Variants in AUH observed in about 807,000 individuals in gnomAD.
The protein encoded by AUH is methylglutaconyl-CoA hydratase, mitochondrial.
AUH carries 29 observed loss-of-function variants against 42.3 expected under a neutral mutation model. That is an observed-to-expected ratio of 0.69 (90% confidence interval 0.51 to 0.93). The LOEUF (loss-of-function observed/expected upper bound fraction) is 0.93. AUH is among the 40% of genes least tolerant of loss of function. The pLI, the probability that AUH is intolerant of heterozygous loss-of-function variation, is 0.00. For synonymous variants in AUH, 174 were observed against 166.4 expected (o/e 1.05, Z -0.35); for missense variants, 452 against 438.1 (o/e 1.03, Z -0.28).
intron 6 of AUH, among the ~76,000 whole-genome samples, chr9:91,276,785 T>C (rs1012576432): frequency 2.0e-5 from 3 of 152,138 alleles, no homozygotes; most frequent in Admixed American, 6.5e-5. Flanking sequence ...GAACAATAGC[T>C]TATAGAACAT....
chr9:91,328,442 G>C (rs553713204), intron 3 of AUH, among the ~76,000 whole-genome samples: 1 of 152,192 alleles, frequency 6.6e-6, no homozygotes, highest in African/African-American at 2.4e-5. Context: ...GCCAGAGAAG[G>C]GAAACTATGG....
chr9:91,350,064 C>T (rs1831844808), intron 3 of AUH, among the ~76,000 whole-genome samples: 1 of 152,180 alleles, frequency 6.6e-6, no homozygotes, highest in African/African-American at 2.4e-5. Context: ...GTATAGCACA[C>T]CATGTGAAAA....
At chr9:91,228,210 G>A (rs1296903162) in intron 6 of AUH, among the ~76,000 whole-genome samples, 1 of 152,258 alleles carries the variant, frequency 6.6e-6, no homozygotes, top group East Asian at 1.9e-4. Context: ...GTAAGCTATT[G>A]ATTATTGCCA....
At chr9:91,277,414 A>G (rs1395636090) in intron 6 of AUH, among the ~76,000 whole-genome samples, 1 of 152,212 alleles carries the variant, frequency 6.6e-6, no homozygotes, top group African/African-American at 2.4e-5. Flanking sequence ...GTTCCTTAAC[A>G]TGATTAAGGA....
At chr9:91,301,022 G>GT (rs1302020723) in intron 4 of AUH, among the ~76,000 whole-genome samples, 5 of 152,152 alleles carry the variant, frequency 3.3e-5, no homozygotes, top group African/African-American at 9.7e-5. Context: ...AAACCTCACG[G>GT]TTTTTCACTG....
intron 7 of AUH, chr9:91,218,788 TTTCAG>T: frequency 1.5e-5 from 15 of 985,086 alleles, no homozygotes; most frequent in Non-Finnish European, 1.8e-5. Flanking sequence ...TTACAAAAGC[TTTCAG>T]TTATCTGGAG....
intron 6 of AUH, among the ~76,000 whole-genome samples, chr9:91,283,106 T>C (rs1826109286): frequency 6.6e-6 from 1 of 152,166 alleles, no homozygotes; most frequent in Non-Finnish European, 1.5e-5. Flanking sequence ...TCAAAAAGCT[T>C]ATCCACCATG....
chr9:91,301,785 G>A (rs1373245152), intron 4 of AUH, among the ~76,000 whole-genome samples: 4 of 152,086 alleles, frequency 2.6e-5, no homozygotes, highest in South Asian at 2.1e-4. Flanking sequence ...TAAGAAATAC[G>A]TAACACAAAA....
chr9:91,332,358 C>A (rs1443709660), intron 3 of AUH, among the ~76,000 whole-genome samples: 1 of 152,026 alleles, frequency 6.6e-6, no homozygotes, highest in Non-Finnish European at 1.5e-5. Flanking sequence ...AAAAATTAGC[C>A]AGGAGTGGTG....
At chr9:91,283,353 T>G (rs1047716409) in intron 6 of AUH, among the ~76,000 whole-genome samples, 18 of 152,162 alleles carry the variant, frequency 1.2e-4, no homozygotes, top group Admixed American at 3.9e-4. Flanking sequence ...ACAGCCAATA[T>G]CATACTGAAT....
At chr9:91,236,875 T>C (rs1277837047) in intron 6 of AUH, among the ~76,000 whole-genome samples, 2 of 152,156 alleles carry the variant, frequency 1.3e-5, no homozygotes, top group Non-Finnish European at 2.9e-5. Flanking sequence ...AAATAGTAAT[T>C]TATTCTTAGC....
chr9:91,305,582 A>G (rs1042294204), intron 4 of AUH, among the ~76,000 whole-genome samples: 3 of 152,148 alleles, frequency 2.0e-5, no homozygotes, highest in African/African-American at 4.8e-5. Context: ...AAGTTGCTTA[A>G]TTTTTCTAAG....
chr9:91,294,839 G>A (rs1331417349), intron 6 of AUH: 1 of 448,702 alleles, frequency 2.2e-6, no homozygotes, highest in East Asian at 7.0e-5. Flanking sequence ...AGAATTAGAA[G>A]AGTAACCTGA....
chr9:91,295,078 TG>T (rs2131639870), intron 6 of AUH, among the ~76,000 whole-genome samples: 1 of 152,286 alleles, frequency 6.6e-6, no homozygotes, highest in African/African-American at 2.4e-5. Context: ...GGAAATCTCA[TG>T]CTTTTTTTAA....
chr9:91,343,975 C>G (rs933658956), intron 3 of AUH, among the ~76,000 whole-genome samples: 19 of 152,110 alleles, frequency 1.2e-4, no homozygotes, highest in African/African-American at 4.6e-4. Context: ...CAAGGGCAAT[C>G]CAAAGCTAAC....
intron 6 of AUH, among the ~76,000 whole-genome samples, chr9:91,290,159 T>C (rs1273992744): frequency 6.6e-6 from 1 of 151,746 alleles, no homozygotes; most frequent in Non-Finnish European, 1.5e-5. Flanking sequence ...CTCATGCCTG[T>C]AATCCCAGCA....
At chr9:91,245,938 A>G (rs1828770332) in intron 6 of AUH, among the ~76,000 whole-genome samples, 1 of 152,172 alleles carries the variant, frequency 6.6e-6, no homozygotes, top group African/African-American at 2.4e-5. Flanking sequence ...TGGGGACAGG[A>G]GCAGGGCCCA....
At chr9:91,217,801 A>G (rs1826911066) in intron 7 of AUH, among the ~76,000 whole-genome samples, 1 of 152,090 alleles carries the variant, frequency 6.6e-6, no homozygotes, top group African/African-American at 2.4e-5. Flanking sequence ...CTTGACAACT[A>G]ACAGCAATGA....
At chr9:91,258,662 T>C (rs987331339) in intron 6 of AUH, among the ~76,000 whole-genome samples, 4 of 152,230 alleles carry the variant, frequency 2.6e-5, no homozygotes, top group Non-Finnish European at 4.4e-5. Context: ...GCATATAGTT[T>C]TTCATCACTA....
Sources: gnomAD v4.1 joint callset for allele counts (sites outside exome capture counted in the v4.1 genomes callset) on GRCh38, gnomAD v4.1.1 for gene constraint, MANE v1.5 for transcripts, NCBI Gene and HGNC (gene_info 2026-07-23, HGNC 2026-07-21) for gene names.